The following PCDHGB3 variants were observed in gnomAD, a reference collection of about 807,000 sequenced individuals.
PCDHGB3 encodes the protein protocadherin gamma subfamily B, 3, also known as protocadherin gamma-B3.
PCDHGB3 carries 40 observed loss-of-function variants against 59.2 expected under a neutral mutation model. That is an observed-to-expected ratio of 0.68 (90% CI 0.52 to 0.88). PCDHGB3 has a LOEUF of 0.88. Among genes scored for constraint, PCDHGB3 ranks in the 40% least tolerant of loss-of-function variants. The pLI is 0.00. For synonymous variants in PCDHGB3, 581 were observed against 503.6 expected (o/e 1.15, Z -2.06); for missense variants, 1,309 against 1,187.9 (o/e 1.10, Z -1.50).
Position 141,371,899 on chromosome 5 carries a change from C to A in PCDHGB3, c.1505C>A (p.Ser502Ter). Residue 502 changes from serine (S) to a stop codon, truncating the protein, a stop_gained, in exon 1 of 4, where the codon TCG becomes TAG. Transcript: ENST00000576222. LOFTEE classifies it high-confidence loss of function. ...VASDLEPREL[S>*]SYVSVSARSG... ...AGTGACCTGGAGCCGCGGGAGCTGTCGTCCTACGTGTCCGTGAGCGCGCGG... is the reference window on the plus strand; with the variant it reads ...AGTGACCTGGAGCCGCGGGAGCTGTAGTCCTACGTGTCCGTGAGCGCGCGG... The A allele has an allele frequency of 6.2e-7, 1 of 1,613,414 alleles. No individual in the cohort carries two copies. Among genetic ancestry groups the A allele is most frequent in the Non-Finnish European group, 8.5e-7 (1 of 1,179,906 alleles).
chr5:141,374,092 T>G, intron 1 of PCDHGB3: 2 of 1,537,780 alleles, frequency 1.3e-6, no homozygotes. Flanking sequence ...TAATGGCGCC[T>G]CCGCAGAGGC....
intron 1 of PCDHGB3, chr5:141,422,953 G>A: frequency 6.2e-7 from 1 of 1,614,232 alleles, no homozygotes; most frequent in Non-Finnish European, 8.5e-7. Context: ...CTCCACTGGC[G>A]TGGAGCTGGC....
chr5:141,501,945 T>C (rs1318749969), intron 2 of PCDHGB3, among the ~76,000 whole-genome samples: 1 of 152,106 alleles, frequency 6.6e-6, no homozygotes, highest in Non-Finnish European at 1.5e-5. Context: ...CACTGCTCCC[T>C]GTGACAGGTC....
chr5:141,371,999 C>T lies in PCDHGB3; in HGVS notation c.1605C>T (p.Arg535=), dbSNP rs1243800762. 33 of 1,613,154 alleles carry T rather than the reference C, an allele frequency of 2.0e-5. No individual in the cohort carries two copies. Among genetic ancestry groups the T allele is most frequent in the Non-Finnish European group, 2.8e-5 (33 of 1,179,770 alleles). Residue 535 remains arginine (R), a synonymous_variant, in exon 1 of 4, where the codon CGC becomes CGT. Coordinates refer to ENST00000576222, the MANE Select transcript of PCDHGB3 (RefSeq NM_018924.5). ...LRAFELTLQA[R]DQGSPTLSAN... ...CCTTCGAGCTCACTCTGCAGGCCCG[C>T]GACCAGGGCTCGCCTACGCTCAGCG...
At chr5:141,413,082 A>T in intron 1 of PCDHGB3, 8 of 1,344,446 alleles carry the variant, frequency 6.0e-6, no homozygotes, top group Non-Finnish European at 8.1e-6. Context: ...CCCAGGCTAC[A>T]GAGACACCCT....
rs764906419 is a variant in PCDHGB3, at chr5:141,371,090, C to T, written c.696C>T (p.Val232=). 6.2e-7 allele frequency: 1 copy of T among 1,613,820 alleles called. No homozygotes were observed. Among genetic ancestry groups the T allele is most frequent in the Admixed American group, 1.7e-5 (1 of 60,030 alleles). Reference sequence around the variant, plus strand: ...GTACCACCCAGATCAGGGTAATTGTCGCAGATGCAAATGATAACCCCCCAG... The same window carrying T: ...GTACCACCCAGATCAGGGTAATTGTTGCAGATGCAAATGATAACCCCCCAG... ...RSCTTQIRVI[V]ADANDNPPVF... The change falls in exon 1 of 4, where the codon GTC becomes GTT. Residue 232 remains valine (V), a synonymous_variant. Coordinates refer to ENST00000576222, the MANE Select transcript of PCDHGB3 (RefSeq NM_018924.5).
chr5:141,430,110 C>T (rs919470038), intron 1 of PCDHGB3, among the ~76,000 whole-genome samples: 1 of 152,060 alleles, frequency 6.6e-6, no homozygotes, highest in Admixed American at 6.5e-5. Flanking sequence ...CGTTACATGT[C>T]AACAACCTGG....
chr5:141,377,009 G>A (rs1392243564), intron 1 of PCDHGB3: 2 of 155,212 alleles, frequency 1.3e-5, no homozygotes, highest in Non-Finnish European at 2.9e-5. Flanking sequence ...TTTATTGGTT[G>A]ACAGGAAAAT....
intron 1 of PCDHGB3, among the ~76,000 whole-genome samples, chr5:141,450,006 CTTTTT>C (rs1554136305): frequency 1.5e-5 from 2 of 132,980 alleles, no homozygotes; most frequent in African/African-American, 2.8e-5. Flanking sequence ...TGCCATGTCT[CTTTTT>C]TTTTTTTTTT....
chr5:141,413,880 T>G, intron 1 of PCDHGB3: 1 of 1,613,420 alleles, frequency 6.2e-7, no homozygotes, highest in Non-Finnish European at 8.5e-7. Flanking sequence ...TCAGTGTGAC[T>G]GTCTTCGATG....
rs753028927 is a variant in PCDHGB3 at position 141,371,463 on chromosome 5, C to A, written c.1069C>A (p.Gln357Lys). 6.2e-7 allele frequency: 1 copy of A among 1,613,952 alleles called. No individual in the cohort carries two copies. The highest frequency in any genetic ancestry group is 8.5e-7 in the Non-Finnish European group (1 of 1,179,854). ...CCTGGCTTCTGAATCCCAACATATA[C>A]AAGAAGATGCTGAGCTGGGGACTGC... is the stretch of plus-strand genomic sequence containing the variant. ...ITLASESQHI[Q>K]EDAELGTAVA... is the part of the protein sequence containing the mutation. Residue 357 changes from glutamine (Q) to lysine (K), a missense_variant, in exon 1 of 4, where the codon CAA (glutamine) becomes AAA (lysine). Transcript: ENST00000576222.
intron 1 of PCDHGB3, among the ~76,000 whole-genome samples, chr5:141,494,034 A>T (rs1206242414): frequency 1.3e-5 from 2 of 152,162 alleles, no homozygotes; most frequent in Non-Finnish European, 2.9e-5. Flanking sequence ...CTGGAGACTT[A>T]GTTGGCCCTG....
In PCDHGB3 at chr5:141,432,358, G is replaced by A. The variant is rs750696244; in HGVS notation, c.2415+59549G>A. ...TCCGAGACTTGCAAGTGAAAGTGAT[G>A]GCGCGGGACAACGGGCACCCGCCCC... On this transcript the variant is annotated intron_variant, in intron 1 of 3. Transcript: ENST00000576222. This position sits in a 1 kb window ranked among gnomAD's most constrained non-coding sequence, Gnocchi z 6.0. The A allele has an allele frequency of 6.2e-7, 1 of 1,614,122 alleles. No homozygotes were observed. The highest frequency in any genetic ancestry group is 8.5e-7 in the Non-Finnish European group (1 of 1,180,060).
intron 2 of PCDHGB3, 166 bp from the exon 3 acceptor site, chr5:141,505,227 T>C: frequency 1.2e-6 from 1 of 840,112 alleles, no homozygotes; most frequent in Non-Finnish European, 1.4e-6. Context: ...TGTGGGATTC[T>C]GGCTTCTGAA....
In PCDHGB3 at chr5:141,408,993, T is replaced by G. The variant is rs1258002192; in HGVS notation, c.2415+36184T>G. The G allele has an allele frequency of 1.2e-6, 2 of 1,613,814 alleles. No homozygotes were observed. The highest frequency in any genetic ancestry group is 2.7e-5 in the African/African-American group (2 of 74,912). On this transcript the variant is annotated intron_variant, in intron 1 of 3. Transcript: ENST00000576222. Reference sequence around the variant, plus strand: ...CCCCCTGGGTCCCCTGTGTTGCAAGTGACAGCCACTGACCAGGATGAGGGG... The same window carrying G: ...CCCCCTGGGTCCCCTGTGTTGCAAGGGACAGCCACTGACCAGGATGAGGGG...
At chr5:141,501,402 G>T (rs527659990) in intron 2 of PCDHGB3, among the ~76,000 whole-genome samples, 1 of 151,622 alleles carries the variant, frequency 6.6e-6, no homozygotes, top group African/African-American at 2.4e-5. Context: ...ACAGGCCACT[G>T]CTTGGAAAAT....
intron 2 of PCDHGB3, among the ~76,000 whole-genome samples, chr5:141,500,942 C>T (rs937418207): frequency 2.0e-5 from 3 of 151,926 alleles, no homozygotes; most frequent in Non-Finnish European, 4.4e-5. Context: ...CATCTCGGCT[C>T]ACTGCAAGCT....
At position 141,431,176 on chromosome 5, in the gene PCDHGB3, A is replaced by G; in HGVS notation, c.2415+58367A>G. On this transcript the variant is annotated intron_variant, in intron 1 of 3. Coordinates refer to ENST00000576222, the MANE Select transcript of PCDHGB3 (RefSeq NM_018924.5). The surrounding 1 kb of genome is among the most constrained non-coding windows in gnomAD (Gnocchi z 4.8). Reference sequence around the variant, plus strand: ...CTTACTTTCGTGAAAGTGAATTAGAAATAAAAATTAGTGAAAATGCAGCCA... The same window carrying G: ...CTTACTTTCGTGAAAGTGAATTAGAGATAAAAATTAGTGAAAATGCAGCCA... The G allele has an allele frequency of 1.2e-6, 2 of 1,614,212 alleles. No individual in the cohort carries two copies. Among genetic ancestry groups the G allele is most frequent in the Non-Finnish European group, 1.7e-6 (2 of 1,180,032 alleles).
chr5:141,420,179 T>C (rs1420076172), intron 1 of PCDHGB3: 16 of 1,614,054 alleles, frequency 9.9e-6, no homozygotes, highest in Non-Finnish European at 1.2e-5. Flanking sequence ...TGTTGATCAT[T>C]GTCCAGCCAC....
Sources: allele counts gnomAD v4.1 joint callset (sites outside exome capture counted in the v4.1 genomes callset), GRCh38; gene constraint gnomAD v4.1.1; non-coding constraint Gnocchi (gnomAD v3.1); transcripts MANE v1.5; gene names NCBI Gene and HGNC (gene_info 2026-07-23, HGNC 2026-07-21).